The following CACTIN variants were observed in gnomAD, a reference collection of about 807,000 sequenced individuals.
CACTIN encodes splicing factor Cactin.
In CACTIN, 20 loss-of-function variants were observed where a neutral mutation model predicts 84.9. That is an observed-to-expected ratio of 0.24 (90% CI 0.17 to 0.34). The LOEUF (loss-of-function observed/expected upper bound fraction) is 0.34. Ranked by LOEUF, CACTIN falls within the 10% of genes least tolerant of loss-of-function variation. The pLI is 1.00. For missense variants in CACTIN, 897 were observed against 1,117.2 expected (o/e 0.80, Z 2.81); for synonymous variants, 549 against 467.9 (o/e 1.17, Z -2.24).
intron 2 of CACTIN, among the ~76,000 whole-genome samples, chr19:3,622,541 C>T (rs1436544105): frequency 6.6e-6 from 1 of 152,134 alleles, no homozygotes; most frequent in Non-Finnish European, 1.5e-5. Context: ...CAGACCGCCA[C>T]ACAACACAGG....
intron 7 of CACTIN, 159 bp from the exon 8 acceptor site, chr19:3,613,745 G>A (rs2033036686): frequency 1.9e-6 from 2 of 1,043,380 alleles, no homozygotes; most frequent in African/African-American, 3.3e-5. Context: ...GTCAGTTCAG[G>A]GTCAAGGCTT....
rs759665408 is a variant in CACTIN, at chr19:3,613,137, C to T, written c.1707G>A (p.Leu569=). 4 of 1,607,506 alleles carry T rather than the reference C, an allele frequency of 2.5e-6. No individual in the cohort carries two copies. The East Asian group carries it at 6.7e-5, about 27-fold the overall frequency. The change falls in exon 9 of 10, where the codon CTG becomes CTA. Residue 569 remains leucine (L), a synonymous_variant. Coordinates refer to ENST00000429344, the MANE Select transcript of CACTIN (RefSeq NM_001080543.2). ...YSPRLLTAHE[L]PLDAHVLEPD... Reference sequence around the variant, plus strand: ...GTTCCAGCACGTGCGCGTCCAGTGGCAGCTCGTGCGCCGTGAGCAGCCGCG... The same window carrying T: ...GTTCCAGCACGTGCGCGTCCAGTGGTAGCTCGTGCGCCGTGAGCAGCCGCG...
rs12979314 is a variant in CACTIN at position 3,613,450 on chromosome 19, C to G, written c.1478+14G>C. 124 of 1,566,192 alleles carry G rather than the reference C, an allele frequency of 7.9e-5. No homozygotes were observed. The highest frequency in any genetic ancestry group is 1.7e-4 in the Middle Eastern group (1 of 5,914). Reference sequence around the variant, plus strand: ...CGTCTGCATCGGCGTCCCCGGGGTGCCGGCCGGGCCTACCTGCGGCTGGGG... The same window carrying G: ...CGTCTGCATCGGCGTCCCCGGGGTGGCGGCCGGGCCTACCTGCGGCTGGGG... On this transcript the variant is annotated intron_variant, in intron 8 of 9. Transcript: ENST00000429344.
Position 3,611,990 on chromosome 19 carries a change from C to T in CACTIN, c.2210G>A (p.Arg737His). 3 of 1,613,658 alleles carry T rather than the reference C, an allele frequency of 1.9e-6. No individual in the cohort carries two copies. Among genetic ancestry groups the T allele is most frequent in the Non-Finnish European group, 2.5e-6 (3 of 1,179,884 alleles). ...GAAGATGCCGTTGGCAAACTGGCAG[C>T]GGAAGCCGTGGCGGTGCGAGTATTC... Reference protein sequence around the residue: ...EWEYSHRHGFRCQFANGIFQL... With the variant: ...EWEYSHRHGFHCQFANGIFQL... Residue 737 changes from arginine to histidine, a missense_variant, in exon 10 of 10, where the codon CGC (arginine) becomes CAC (histidine). This residue lies in a region of CACTIN where 21 missense variants were observed against 61.8 expected (regional missense o/e 0.34). Coordinates refer to ENST00000429344, the MANE Select transcript of CACTIN (RefSeq NM_001080543.2).
intron 6 of CACTIN, among the ~76,000 whole-genome samples, chr19:3,618,128 G>A (rs1285217118): frequency 1.3e-5 from 2 of 151,148 alleles, no homozygotes; most frequent in South Asian, 2.1e-4. Flanking sequence ...CCGCTGGGGC[G>A]TGGATTTTGG....
At position 3,613,175 on chromosome 19, in the gene CACTIN, C is replaced by T. The variant is rs1025442513; in HGVS notation, c.1669G>A (p.Gly557Ser). ...IQQSLDDYDA[G>S]RYSPRLLTAH... is the part of the protein sequence containing the mutation. Reference sequence around the variant, plus strand: ...GTGAGCAGCCGCGGGCTGTACCTGCCGGCGTCGTAGTCGTCCAGGCTCTGC... The same window carrying T: ...GTGAGCAGCCGCGGGCTGTACCTGCTGGCGTCGTAGTCGTCCAGGCTCTGC... The change falls in exon 9 of 10, where the codon GGC becomes AGC. Residue 557 changes from glycine to serine, a missense_variant. Around this residue, in one of 8 missense-constraint regions of CACTIN, gnomAD observed 243 missense variants for 239.9 expected, o/e 1.01. Transcript: ENST00000429344. 8 of 1,611,268 alleles carry T rather than the reference C, an allele frequency of 5.0e-6. No individual in the cohort carries two copies. Among genetic ancestry groups the T allele is most frequent in the Non-Finnish European group, 5.9e-6 (7 of 1,179,380 alleles).
chr19:3,620,497 A>T, intron 3 of CACTIN: 1 of 673,290 alleles, frequency 1.5e-6, no homozygotes, highest in South Asian at 1.7e-5. Flanking sequence ...CCCTGAAGGG[A>T]GCATGTGGGA....
At position 3,623,883 on chromosome 19, in the gene CACTIN, C is replaced by T. The variant is rs540940934; in HGVS notation, c.447G>A (p.Glu149=). The T allele has an allele frequency of 9.3e-6, 15 of 1,607,836 alleles. No homozygotes were observed. Among genetic ancestry groups the T allele is most frequent in the Admixed American group, 5.0e-5 (3 of 60,014 alleles). ...TCATCAGCTCCTCCTGCTGCTTCCG[C>T]TCCTCCCGCAGCCGCAGCCGCTCCT... The part of the protein sequence containing the change: ...SLQERLRLRE[E]RKQQEELMKA... Residue 149 remains glutamate, a synonymous_variant, in exon 2 of 10, where the codon GAG becomes GAA. Transcript: ENST00000429344.
rs761589675 is a variant in CACTIN at position 3,623,829 on chromosome 19, G to C, written c.501C>G (p.Arg167=). Residue 167 remains arginine, a synonymous_variant, in exon 2 of 10, where the codon CGC becomes CGG. Transcript: ENST00000429344. ...MKAFETPEEK[R]ARRLAKKEAK... is the part of the protein sequence containing the mutation. ...CCTCCTTCTTGGCCAGCCGCCGTGC[G>C]CGCTTCTCCTCGGGCGTCTCGAAGG... 5.6e-6 allele frequency: 9 copies of C among 1,613,002 alleles called. No homozygotes were observed. The South Asian group carries it at 9.9e-5, about 18-fold the overall frequency.
At chr19:3,620,085 G>C (rs779633020) in intron 4 of CACTIN, 42 bp downstream of exon 4, 1 of 1,602,182 alleles carries the variant, frequency 6.2e-7, no homozygotes, top group African/African-American at 1.3e-5. Flanking sequence ...CCCGGCCCTG[G>C]CTCCAAGTCT....
rs73532027 is a variant in CACTIN at position 3,624,270 on chromosome 19, A to G, written c.168-108T>C. On this transcript the variant is annotated intron_variant, in intron 1 of 9. Transcript: ENST00000429344. The stretch of plus-strand genomic sequence containing the variant: ...GCAGGCACTGTTCTAGGTTCTGGGG[A>G]CACAGCAGTGACCCAAATACCGATG... 3.9e-3 allele frequency: 4,034 copies of G among 1,041,642 alleles called. 136 individuals are homozygous for G. In the African/African-American group the frequency reaches 0.058, roughly 15 times the overall value. 64.5% of individuals were successfully genotyped at this position (1,041,642 alleles called of 1,614,324 possible). A position where few individuals can be genotyped will look rare whatever the true frequency, so the allele number is the denominator to read the frequency against.
intron 7 of CACTIN, 41 bp downstream of exon 7, chr19:3,614,356 C>T: frequency 6.5e-7 from 1 of 1,545,458 alleles, no homozygotes; most frequent in Non-Finnish European, 8.7e-7. Context: ...ACCCATCCCA[C>T]CCGGACGGCA....
intron 2 of CACTIN, among the ~76,000 whole-genome samples, chr19:3,623,390 G>A (rs1375853309): frequency 3.3e-5 from 5 of 152,032 alleles, no homozygotes; most frequent in Non-Finnish European, 5.9e-5. Flanking sequence ...TTAGCCGGGC[G>A]TGGTAGCGGG....
Position 3,618,928 on chromosome 19 carries a change from G to C in CACTIN, c.1109C>G (p.Thr370Ser). ...GCGGAGCTTGGAGATCTCGTCCTCG[G>C]TGATGGTGGTCATGTCCCGCCAGAA... is the stretch of plus-strand genomic sequence containing the variant. The part of the protein sequence containing the change: ...ADFWRDMTTI[T>S]EDEISKLRKL... The change falls in exon 6 of 10, where the codon ACC becomes AGC. Residue 370 changes from threonine to serine, a missense_variant. Physicochemically the swap from Thr to Ser is moderately conservative, Grantham distance 58 (BLOSUM62 1). Around this residue, in one of 8 missense-constraint regions of CACTIN, gnomAD observed 304 missense variants for 444.3 expected, o/e 0.68. Coordinates refer to ENST00000429344, the MANE Select transcript of CACTIN (RefSeq NM_001080543.2). 1 of 1,560,482 alleles carries C rather than the reference G, an allele frequency of 6.4e-7. No homozygotes were observed.
rs1355611706 is a variant in CACTIN at position 3,619,184 on chromosome 19, T to A, written c.943A>T (p.Ile315Phe). The A allele has an allele frequency of 6.2e-7, 1 of 1,613,394 alleles. No homozygotes were observed. Among genetic ancestry groups the A allele is most frequent in the South Asian group, 1.1e-5 (1 of 90,946 alleles). ...AKPIDLLAKY[I>F]SAEDDDLAVE... is the part of the protein sequence containing the mutation. Reference sequence around the variant, plus strand: ...GCCAGATCGTCATCCTCAGCGCTGATGTACTTGGCCAGCAGGTCGATGGGC... The same window carrying A: ...GCCAGATCGTCATCCTCAGCGCTGAAGTACTTGGCCAGCAGGTCGATGGGC... Residue 315 changes from isoleucine to phenylalanine, a missense_variant, in exon 5 of 10, where the codon ATC (isoleucine) becomes TTC (phenylalanine). By Grantham distance (21) the Ile-to-Phe change is conservative. Transcript: ENST00000429344.
intron 6 of CACTIN, among the ~76,000 whole-genome samples, chr19:3,618,427 G>A (rs557160219): frequency 6.6e-6 from 1 of 152,238 alleles, no homozygotes; most frequent in Non-Finnish European, 1.5e-5. Context: ...CACACGGAGG[G>A]GGGGGAAACG....
rs944092670 is a variant in CACTIN, at chr19:3,612,320, A to G, written c.1880T>C (p.Leu627Pro). 1.2e-5 allele frequency: 19 copies of G among 1,612,648 alleles called. No individual in the cohort carries two copies. The highest frequency in any genetic ancestry group is 1.5e-5 in the Non-Finnish European group (18 of 1,179,866). ...DEAQFSVEMP[L>P]TGKAYLWADK... is the part of the protein sequence containing the mutation. ...GGCCCACAGGTAGGCCTTGCCGGTG[A>G]GTGGCATCTCCACGCTGAACTGCGC... is the stretch of plus-strand genomic sequence containing the variant. Residue 627 changes from leucine to proline, a missense_variant, in exon 10 of 10, where the codon CTC (leucine) becomes CCC (proline). Coordinates refer to ENST00000429344, the MANE Select transcript of CACTIN (RefSeq NM_001080543.2).
chr19:3,624,449 G>A (rs532334871), intron 1 of CACTIN, among the ~76,000 whole-genome samples: 12 of 152,302 alleles, frequency 7.9e-5, no homozygotes, highest in African/African-American at 2.9e-4. Context: ...GTCAGAGAGG[G>A]GCTCTCTCAG....
Position 3,626,715 on chromosome 19 carries a change from GC to G in CACTIN, c.47del (p.Gly16AlafsTer119). ...RSRSRSAGRRGRRRQSQSGSR... is the reference protein window; with the variant it reads ...RSRSRSAGRRXRRRQSQSGSR... The stretch of plus-strand genomic sequence containing the variant: ...TCCCGCTCTGACTCTGCCGCCTTCG[GC>G]CCCGGCGACCCGCGGACCGCGAGCG... On this transcript the variant is annotated frameshift_variant, in exon 1 of 10. Transcript: ENST00000429344. LOFTEE classifies it high-confidence loss of function. 2 of 1,498,654 alleles carry G rather than the reference GC, an allele frequency of 1.3e-6. No individual in the cohort carries two copies. The highest frequency in any genetic ancestry group is 1.8e-6 in the Non-Finnish European group (2 of 1,130,672). The allele number at this position is 1,498,654 out of a possible 1,614,324, so 92.8% of individuals were successfully genotyped here. A position where few individuals can be genotyped will look rare whatever the true frequency, so the allele number is the denominator to read the frequency against.
Sources: allele counts gnomAD v4.1 joint callset (sites outside exome capture counted in the v4.1 genomes callset), GRCh38; gene constraint gnomAD v4.1.1; regional missense constraint gnomAD v4.1.1; transcripts MANE v1.5; gene names NCBI Gene and HGNC (gene_info 2026-07-23, HGNC 2026-07-21).